RYR3: variants seen among roughly 807,000 people sequenced by gnomAD.
RYR3 encodes brain ryanodine receptor-calcium release channel.
A neutral mutation model predicts 584.3 loss-of-function variants in RYR3; 207 were observed. The observed-to-expected ratio is 0.35, with a 90% CI of 0.32 to 0.40. RYR3 has a LOEUF of 0.40. Among genes scored for constraint, RYR3 ranks in the 10% least tolerant of loss-of-function variants. RYR3 has a pLI of 1.00. For synonymous variants in RYR3, 2,416 were observed against 2,248.5 expected (o/e 1.07, Z -2.11); for missense variants, 5,616 against 6,089.2 (o/e 0.92, Z 2.59).
chr15:33,365,407 G>A (rs1975354077), intron 1 of RYR3, among the ~76,000 whole-genome samples: 1 of 152,180 alleles, frequency 6.6e-6, no homozygotes, highest in African/African-American at 2.4e-5. Context: ...GAGGGGCAGA[G>A]GAAGGGAGGA....
At chr15:33,645,570 C>G (rs140005443) in intron 28 of RYR3, among the ~76,000 whole-genome samples, 73 of 152,244 alleles carry the variant, frequency 4.8e-4, no homozygotes, top group Middle Eastern at 3.4e-3. Flanking sequence ...TCATGAACCC[C>G]TAGAGGCCCT....
chr15:33,728,549 C>T (rs1219823167), intron 46 of RYR3, among the ~76,000 whole-genome samples: 2 of 152,156 alleles, frequency 1.3e-5, no homozygotes, highest in African/African-American at 4.8e-5. Context: ...GGACTAGAAG[C>T]GTGTTGGATT....
chr15:33,511,609 A>G (rs2053015425), intron 3 of RYR3, among the ~76,000 whole-genome samples: 1 of 151,340 alleles, frequency 6.6e-6, no homozygotes, highest in Non-Finnish European at 1.5e-5. Flanking sequence ...CTGCAATTAA[A>G]AAAAAAAAAC....
Position 33,662,947 on chromosome 15 carries a change from A to C in RYR3, c.5417A>C (p.Gln1806Pro). ...QTRLPESVKL[Q>P]MCELLSYLCD... ...CGATTACCCGAATCCGTCAAGCTGC[A>C]GGTAAGCTGCAGGTGGTTAAGTGGA... Residue 1806 changes from glutamine to proline, a missense_variant and splice_region_variant, in exon 35 of 104, where the codon CAG (glutamine) becomes CCG (proline). Physicochemically the swap from Gln to Pro is moderately conservative, Grantham distance 76. Coordinates refer to ENST00000634891, the MANE Select transcript of RYR3 (RefSeq NM_001036.6). The C allele has an allele frequency of 6.2e-7, 1 of 1,610,834 alleles. No individual in the cohort carries two copies. The highest frequency in any genetic ancestry group is 8.5e-7 in the Non-Finnish European group (1 of 1,178,426).
At chr15:33,315,439 A>C (rs1968027642) in intron 1 of RYR3, among the ~76,000 whole-genome samples, 1 of 152,172 alleles carries the variant, frequency 6.6e-6, no homozygotes, top group South Asian at 2.1e-4. Flanking sequence ...TAGTGCTAAA[A>C]TTCAGACCTC....
intron 1 of RYR3, among the ~76,000 whole-genome samples, chr15:33,428,400 T>C (rs537219111): frequency 6.6e-6 from 1 of 152,236 alleles, no homozygotes; most frequent in East Asian, 1.9e-4. Context: ...CAGGTAGATA[T>C]TAAGTTTTGT....
chr15:33,738,041 T>C (rs2069676161), intron 49 of RYR3, among the ~76,000 whole-genome samples: 1 of 152,126 alleles, frequency 6.6e-6, no homozygotes, highest in Non-Finnish European at 1.5e-5. Flanking sequence ...CCTCTCCCCA[T>C]ATCAGCATCC....
At chr15:33,608,172 G>T (rs1015405955) in intron 18 of RYR3, among the ~76,000 whole-genome samples, 17 of 152,194 alleles carry the variant, frequency 1.1e-4, no homozygotes, top group Admixed American at 6.5e-4. Context: ...GTACCACTGT[G>T]CCCATTTTAC....
Position 33,820,547 on chromosome 15 carries a change from T to C in RYR3, c.10759-209T>C, listed in dbSNP as rs557574075. ...GTGAGCTCTGTGTTCTCATTTCTCATTTCTGAACTCTATGGTAACTGCGAA... is the reference window on the plus strand; with the variant it reads ...GTGAGCTCTGTGTTCTCATTTCTCACTTCTGAACTCTATGGTAACTGCGAA... On this transcript the variant is annotated intron_variant, in intron 77 of 103. Transcript: ENST00000634891. Among the ~76,000 whole-genome samples the C allele has an allele frequency of 4.6e-5, 7 of 152,316 alleles. No individual in the cohort carries two copies. The South Asian group carries it at 1.5e-3, about 32-fold the overall frequency.
chr15:33,402,778 T>C (rs1335124945), intron 1 of RYR3, among the ~76,000 whole-genome samples: 2 of 152,200 alleles, frequency 1.3e-5, no homozygotes, highest in African/African-American at 4.8e-5. Context: ...TGCTGGGATA[T>C]CAAATTTGTG....
chr15:33,463,354 G>T (rs2048199020), intron 1 of RYR3, among the ~76,000 whole-genome samples: 1 of 151,972 alleles, frequency 6.6e-6, no homozygotes, highest in African/African-American at 2.4e-5. Context: ...GAAACCAAAG[G>T]AGTGTGTGCA....
intron 3 of RYR3, among the ~76,000 whole-genome samples, chr15:33,518,801 G>C (rs945654901): frequency 2.0e-5 from 3 of 152,230 alleles, no homozygotes; most frequent in Admixed American, 6.5e-5. Context: ...TTGGAAAGCA[G>C]CCATGCGAAA....
chr15:33,625,358 A>T (rs2060931715), intron 20 of RYR3, among the ~76,000 whole-genome samples: 1 of 152,170 alleles, frequency 6.6e-6, no homozygotes, highest in Non-Finnish European at 1.5e-5. Context: ...ATCACTTTTG[A>T]TATCATTTCA....
At chr15:33,821,480 C>A in intron 79 of RYR3, 43 bp from the exon 80 acceptor site, 1 of 1,608,286 alleles carries the variant, frequency 6.2e-7, no homozygotes, top group South Asian at 1.1e-5. Flanking sequence ...CATGATTTAC[C>A]ATCTGTTTCC....
At chr15:33,326,489 T>C (rs1215960396) in intron 1 of RYR3, among the ~76,000 whole-genome samples, 3 of 152,190 alleles carry the variant, frequency 2.0e-5, no homozygotes, top group Non-Finnish European at 2.9e-5. Flanking sequence ...GTAAAAGTTA[T>C]ACATCCTAGA....
At position 33,646,345 on chromosome 15, in the gene RYR3, T is replaced by C. The variant is rs1349973813; in HGVS notation, c.3766-6T>C. ...ATGTCAAGGTAAGGACTCGTCCTGT[T>C]TCCAGGTCATGAGGATTGATGGCAC... On this transcript the variant is annotated splice_region_variant and splice_polypyrimidine_tract_variant and intron_variant, in intron 28 of 103. Coordinates refer to ENST00000634891, the MANE Select transcript of RYR3 (RefSeq NM_001036.6). 6.3e-7 allele frequency: 1 copy of C among 1,595,512 alleles called. No individual in the cohort carries two copies. Among genetic ancestry groups the C allele is most frequent in the East Asian group, 2.2e-5 (1 of 44,506 alleles).
intron 3 of RYR3, among the ~76,000 whole-genome samples, chr15:33,517,017 A>C (rs1018556379): frequency 1.3e-5 from 2 of 152,016 alleles, no homozygotes; most frequent in African/African-American, 4.8e-5. Context: ...TTTGAGATGG[A>C]GTCTCACTCT....
chr15:33,452,733 A>G (rs1020885679), intron 1 of RYR3, among the ~76,000 whole-genome samples: 2 of 152,186 alleles, frequency 1.3e-5, no homozygotes, highest in African/African-American at 4.8e-5. Flanking sequence ...CAAAAGTTAC[A>G]TGGTGAGGTT....
At chr15:33,852,063 A>ATTTGCCGAGGTTATTCTTC (rs11270611) in intron 94 of RYR3, 1 of 151,622 alleles carries the variant, frequency 6.6e-6, no homozygotes, top group Non-Finnish European at 1.5e-5. Flanking sequence ...GAGAGGCGGC[A>ATTTGCCGAGGTTATTCTTC]TGAGAGGTCA....
Sources: gnomAD v4.1 joint callset for allele counts (sites outside exome capture counted in the v4.1 genomes callset) on GRCh38, gnomAD v4.1.1 for gene constraint, MANE v1.5 for transcripts, NCBI Gene and HGNC (gene_info 2026-07-23, HGNC 2026-07-21) for gene names.